The following MAPK10 variants were observed in gnomAD, a reference collection of about 807,000 sequenced individuals.
MAPK10 encodes JNK3 alpha protein kinase.
Under a neutral mutation model 59.3 loss-of-function variants are expected in MAPK10, and 25 were observed. That is an observed-to-expected ratio of 0.42 (90% CI 0.31 to 0.59). MAPK10 has a LOEUF of 0.59. Ranked by LOEUF, MAPK10 falls within the 20% of genes least tolerant of loss-of-function variation. The pLI, the probability that MAPK10 is intolerant of heterozygous loss-of-function variation, is 0.15. For synonymous variants in MAPK10, 190 were observed against 200.5 expected (o/e 0.95, Z 0.44); for missense variants, 351 against 568.9 (o/e 0.62, Z 3.90).
chr4:86,461,145 T>C (rs1210777468), intron 1 of MAPK10, among the ~76,000 whole-genome samples: 1 of 147,420 alleles, frequency 6.8e-6, no homozygotes, highest in Non-Finnish European at 1.5e-5. Context: ...TTTTTTGAAA[T>C]ATTTAAAGAG....
At chr4:86,133,659 C>T (rs1278571210) in intron 4 of MAPK10, among the ~76,000 whole-genome samples, 3 of 152,198 alleles carry the variant, frequency 2.0e-5, no homozygotes, top group South Asian at 2.1e-4. Flanking sequence ...GGTATTAACA[C>T]GTATGAATCT....
intron 1 of MAPK10, among the ~76,000 whole-genome samples, chr4:86,487,384 T>TAG (rs1554272301): frequency 0.048 from 7,162 of 148,382 alleles, 220 homozygotes; most frequent in African/African-American, 0.061. Flanking sequence ...TGTGTGTGTG[T>TAG]AGAGAGAGAA....
chr4:86,167,650 T>C (rs754148635), intron 3 of MAPK10, among the ~76,000 whole-genome samples: 10 of 152,186 alleles, frequency 6.6e-5, no homozygotes, highest in Non-Finnish European at 1.5e-4. Flanking sequence ...AGAAAAGGCC[T>C]TTGATAAAAT....
Position 86,108,747 on chromosome 4 carries a change from T to G in MAPK10, c.237-1395A>C, listed in dbSNP as rs144450317. On this transcript the variant is annotated intron_variant, in intron 4 of 13. Coordinates refer to ENST00000641462, the MANE Select transcript of MAPK10 (RefSeq NM_138982.4). ...AGAGTTATCTTTCTGCAGTTTCCACTGACGACTGTTAGTCCTGCCTTCCAG... is the reference window on the plus strand; with the variant it reads ...AGAGTTATCTTTCTGCAGTTTCCACGGACGACTGTTAGTCCTGCCTTCCAG... Among the ~76,000 whole-genome samples, 19 of 152,320 alleles carry G rather than the reference T, an allele frequency of 1.2e-4. No homozygotes were observed. The East Asian group carries it at 2.7e-3, about 22-fold the overall frequency.
intron 1 of MAPK10, chr4:86,593,779 G>T (rs910758288): frequency 6.6e-6 from 1 of 152,104 alleles, no homozygotes; most frequent in African/African-American, 2.4e-5. Flanking sequence ...CTATATTGCT[G>T]CAAGGAGCTG....
At chr4:86,452,460 CCTTTT>C (rs1031455581) in intron 1 of MAPK10, among the ~76,000 whole-genome samples, 19 of 152,094 alleles carry the variant, frequency 1.2e-4, no homozygotes, top group African/African-American at 4.6e-4. Flanking sequence ...TCTCCCTCTT[CCTTTT>C]CTTTCCCTAA....
At chr4:86,552,502 A>AGGGG (rs1759913088) in intron 1 of MAPK10, among the ~76,000 whole-genome samples, 1 of 32,964 alleles carries the variant, frequency 3.0e-5, no homozygotes, top group South Asian at 2.4e-3. Context: ...GGAGGGAAGG[A>AGGGG]AAGGAAGGAA....
At chr4:86,325,896 A>G (rs2096010960) in intron 2 of MAPK10, 1 of 152,226 alleles carries the variant, frequency 6.6e-6, no homozygotes, top group South Asian at 2.1e-4. Flanking sequence ...TATACTGAGC[A>G]CTTACTGTGT....
At chr4:86,157,819 A>G (rs569180424) in intron 4 of MAPK10, among the ~76,000 whole-genome samples, 5 of 151,932 alleles carry the variant, frequency 3.3e-5, no homozygotes, top group African/African-American at 1.2e-4. Flanking sequence ...GCTGCTTTGG[A>G]TCTATTTTTG....
chr4:86,176,577 T>C (rs537097723), intron 3 of MAPK10, among the ~76,000 whole-genome samples: 10 of 152,228 alleles, frequency 6.6e-5, no homozygotes, highest in Admixed American at 3.9e-4. Flanking sequence ...ACCTTCAAAT[T>C]TTCTGTTAAA....
chr4:86,347,654 A>G (rs1353422929), intron 2 of MAPK10, among the ~76,000 whole-genome samples: 2 of 152,184 alleles, frequency 1.3e-5, no homozygotes, highest in African/African-American at 4.8e-5. Flanking sequence ...TAAGTCCAAG[A>G]TACAAATAGA....
intron 1 of MAPK10, among the ~76,000 whole-genome samples, chr4:86,580,436 T>G (rs1578172803): frequency 6.6e-6 from 1 of 151,932 alleles, no homozygotes; most frequent in Admixed American, 6.6e-5. Flanking sequence ...GAGGCAGAGG[T>G]TGCAGTGAGC....
intron 1 of MAPK10, among the ~76,000 whole-genome samples, chr4:86,552,089 G>A (rs904532047): frequency 6.6e-6 from 1 of 151,746 alleles, no homozygotes; most frequent in South Asian, 2.1e-4. Context: ...AAACAAAGAT[G>A]AGAAAATAAA....
chr4:86,153,600 G>A (rs1435006066), intron 4 of MAPK10, among the ~76,000 whole-genome samples: 1 of 152,018 alleles, frequency 6.6e-6, no homozygotes, highest in Non-Finnish European at 1.5e-5. Flanking sequence ...TTACATATAT[G>A]TATAATTGTT....
chr4:86,191,312 G>C (rs540616427), intron 3 of MAPK10, among the ~76,000 whole-genome samples: 5 of 152,048 alleles, frequency 3.3e-5, no homozygotes, highest in African/African-American at 1.2e-4. Flanking sequence ...TTAATTTTCT[G>C]CCTCGTTGAT....
chr4:86,098,485 A>G (rs777244446), intron 9 of MAPK10, 39 bp downstream of exon 9: 1 of 1,610,902 alleles, frequency 6.2e-7, no homozygotes, highest in Admixed American at 1.7e-5. Context: ...GGGAGAGAGA[A>G]CAAAACAGGT....
intron 9 of MAPK10, among the ~76,000 whole-genome samples, chr4:86,088,078 G>A (rs1052122587): frequency 6.6e-6 from 1 of 152,132 alleles, no homozygotes; most frequent in Non-Finnish European, 1.5e-5. Flanking sequence ...TAAGTGTAGA[G>A]GGATATTTAA....
At chr4:86,338,854 G>A (rs1025741830) in intron 2 of MAPK10, among the ~76,000 whole-genome samples, 1 of 66,198 alleles carries the variant, frequency 1.5e-5, no homozygotes, top group Non-Finnish European at 3.8e-5. Flanking sequence ...AGTGTTTAGT[G>A]TTAACAAAAT....
chr4:86,336,766 C>G (rs1002318492), intron 2 of MAPK10, among the ~76,000 whole-genome samples: 1 of 150,770 alleles, frequency 6.6e-6, no homozygotes, highest in African/African-American at 2.4e-5. Context: ...ATAAGCTCCA[C>G]GACATCAGGA....
Sources: allele counts gnomAD v4.1 joint callset (sites outside exome capture counted in the v4.1 genomes callset), GRCh38; gene constraint gnomAD v4.1.1; transcripts MANE v1.5; gene names NCBI Gene and HGNC (gene_info 2026-07-23, HGNC 2026-07-21).